HDAC9: variants seen among roughly 807,000 people sequenced by gnomAD.
HDAC9 encodes MEF-2 interacting transcription repressor (MITR) protein.
A neutral mutation model predicts 139.4 loss-of-function variants in HDAC9; 41 were observed. The ratio of observed to expected loss-of-function variants is 0.29; its 90% CI spans 0.23 to 0.38. The LOEUF (loss-of-function observed/expected upper bound fraction) is 0.38. Ranked by LOEUF, HDAC9 falls within the 10% of genes least tolerant of loss-of-function variation. HDAC9 has a pLI of 1.00. For missense variants in HDAC9, 1,147 were observed against 1,297.0 expected (o/e 0.88, Z 1.78); for synonymous variants, 517 against 476.2 (o/e 1.09, Z -1.12).
At chr7:18,614,696 A>G (rs1297435294) in intron 6 of HDAC9, among the ~76,000 whole-genome samples, 1 of 152,194 alleles carries the variant, frequency 6.6e-6, no homozygotes, top group African/African-American at 2.4e-5. Flanking sequence ...CTTAAGTACA[A>G]CATTTTTTCT....
chr7:18,853,219 C>T (rs1409125060), intron 21 of HDAC9, among the ~76,000 whole-genome samples: 1 of 152,076 alleles, frequency 6.6e-6, no homozygotes. Flanking sequence ...CCTTTACATC[C>T]TAGTCTCCTT....
intron 22 of HDAC9, among the ~76,000 whole-genome samples, chr7:18,878,579 A>G (rs1442765536): frequency 6.6e-6 from 1 of 152,188 alleles, no homozygotes; most frequent in Admixed American, 6.5e-5. Context: ...ATCTCAATAG[A>G]CATAGAAAAG....
At chr7:18,127,248 G>A (rs1784726911) in intron 1 of HDAC9, 1 of 169,838 alleles carries the variant, frequency 5.9e-6, no homozygotes, top group Non-Finnish European at 1.5e-5. Context: ...GCATAAGTAT[G>A]TCCCAAATAT....
intron 25 of HDAC9, among the ~76,000 whole-genome samples, chr7:18,995,458 C>T (rs1786388009): frequency 6.6e-6 from 1 of 152,100 alleles, no homozygotes; most frequent in South Asian, 2.1e-4. Flanking sequence ...CAGATGATGC[C>T]GAATAAAAAC....
At chr7:18,221,257 C>T (rs1487290388) in intron 2 of HDAC9, among the ~76,000 whole-genome samples, 1 of 152,018 alleles carries the variant, frequency 6.6e-6, no homozygotes, top group Non-Finnish European at 1.5e-5. Flanking sequence ...AGGGGCCCGC[C>T]GCCATGCCTG....
intron 2 of HDAC9, among the ~76,000 whole-genome samples, chr7:18,198,489 C>T (rs968910525): frequency 1.3e-5 from 2 of 152,120 alleles, no homozygotes; most frequent in East Asian, 3.9e-4. Flanking sequence ...GTTTACCATA[C>T]TTCATTCAAA....
chr7:18,779,294 A>G (rs1384281709), intron 16 of HDAC9, among the ~76,000 whole-genome samples: 1 of 152,082 alleles, frequency 6.6e-6, no homozygotes, highest in Non-Finnish European at 1.5e-5. Context: ...CTAACACGAA[A>G]TGAATATATA....
intron 1 of HDAC9, among the ~76,000 whole-genome samples, chr7:18,309,439 A>G (rs1342392092): frequency 6.6e-6 from 1 of 152,152 alleles, no homozygotes; most frequent in Admixed American, 6.5e-5. Context: ...GTCTGAGTTG[A>G]GCAATACTTT....
rs964715908 is a variant in HDAC9 at position 18,188,456 on chromosome 7, A to C, written c.25+26107A>C. On this transcript the variant is annotated intron_variant, in intron 2 of 12. Coordinates refer to the HDAC9 transcript ENST00000417496. Reference sequence around the variant, plus strand: ...AGGCATGAGCAAAGACTTCATGACAAAAACGCCAAAAGCAATTGCAACAAA... The same window carrying C: ...AGGCATGAGCAAAGACTTCATGACACAAACGCCAAAAGCAATTGCAACAAA... Among the ~76,000 whole-genome samples the C allele has an allele frequency of 9.8e-5, 15 of 152,332 alleles. 1 individual carries two copies. Among genetic ancestry groups the C allele is most frequent in the East Asian group, 9.6e-4 (5 of 5,182 alleles).
At position 18,643,693 on chromosome 7, in the gene HDAC9, T is replaced by C. The variant is rs373951060; in HGVS notation, c.913-978T>C. On this transcript the variant is annotated intron_variant, in intron 8 of 25. Coordinates refer to ENST00000686413, the MANE Select transcript of HDAC9 (RefSeq NM_178425.4). The stretch of plus-strand genomic sequence containing the variant: ...CAAACATGCTTGACAAGTTATTATA[T>C]TTACTTTAGTCAAAGCCCGTGTGTG... Among the ~76,000 whole-genome samples, 7 of 152,202 alleles carry C rather than the reference T, an allele frequency of 4.6e-5. No individual in the cohort carries two copies. The East Asian group carries it at 1.4e-3, about 30-fold the overall frequency.
intron 2 of HDAC9, among the ~76,000 whole-genome samples, chr7:18,501,540 G>C (rs533427025): frequency 5.9e-5 from 9 of 152,036 alleles, no homozygotes; most frequent in Non-Finnish European, 1.3e-4. Context: ...GCTTAATTCA[G>C]TTAAGTTTAA....
At chr7:18,476,658 TAC>T (rs1182442978) in intron 1 of HDAC9, among the ~76,000 whole-genome samples, 4 of 152,194 alleles carry the variant, frequency 2.6e-5, no homozygotes, top group African/African-American at 9.7e-5. Context: ...ATGATTATCA[TAC>T]AGTTAATTTT....
chr7:18,350,244 G>C (rs963905341), intron 1 of HDAC9, among the ~76,000 whole-genome samples: 9 of 152,056 alleles, frequency 5.9e-5, no homozygotes, highest in African/African-American at 2.2e-4. Context: ...CTCAAGTAAT[G>C]TTAATGCCAA....
chr7:18,996,292 C>G lies in HDAC9; in HGVS notation c.*230C>G. ...CTGTGATTCTAGAGTTACAGTAAAC[C>G]ACGATTGGAAGAAACTGCTTCCAGC... On this transcript the variant is annotated 3_prime_UTR_variant, in exon 26 of 26. Transcript: ENST00000686413. The G allele has an allele frequency of 2.2e-6, 1 of 447,798 alleles. No individual in the cohort carries two copies. Among genetic ancestry groups the G allele is most frequent in the Non-Finnish European group, 4.1e-6 (1 of 244,534 alleles). 27.7% of individuals were successfully genotyped at this position (447,798 alleles called of 1,614,324 possible). A position where few individuals can be genotyped will look rare whatever the true frequency, so the allele number is the denominator to read the frequency against.
intron 22 of HDAC9, among the ~76,000 whole-genome samples, chr7:18,911,576 A>G (rs1802745987): frequency 6.6e-6 from 1 of 150,476 alleles, no homozygotes; most frequent in Non-Finnish European, 1.5e-5. Context: ...TTTTCTTGCT[A>G]TTCTAGTTTT....
intron 22 of HDAC9, among the ~76,000 whole-genome samples, chr7:18,897,801 T>C (rs1003593379): frequency 7.3e-5 from 11 of 150,832 alleles, no homozygotes; most frequent in African/African-American, 2.7e-4. Flanking sequence ...AATTGCTCTT[T>C]TAAAATATGG....
At chr7:18,692,077 GAC>G (rs2129098160) in intron 12 of HDAC9, among the ~76,000 whole-genome samples, 1 of 152,182 alleles carries the variant, frequency 6.6e-6, no homozygotes, top group South Asian at 2.1e-4. Context: ...TCTCAGAAAA[GAC>G]AGCATATTTC....
intron 2 of HDAC9, among the ~76,000 whole-genome samples, chr7:18,277,038 G>A (rs7794278): frequency 0.38 from 58,108 of 151,786 alleles, 12,585 homozygotes; most frequent in Admixed American, 0.51. Flanking sequence ...TTATTTTGAT[G>A]TTATTTTTAC....
At chr7:18,292,427 A>T (rs1195854801) in intron 1 of HDAC9, among the ~76,000 whole-genome samples, 2 of 152,156 alleles carry the variant, frequency 1.3e-5, no homozygotes, top group African/African-American at 4.8e-5. Context: ...GAAAGTCGTC[A>T]GTATTCCTAT....
Sources: allele counts gnomAD v4.1 joint callset (sites outside exome capture counted in the v4.1 genomes callset), GRCh38; gene constraint gnomAD v4.1.1; transcripts MANE v1.5; gene names NCBI Gene and HGNC (gene_info 2026-07-23, HGNC 2026-07-21).